The following KIF23 variants were observed in gnomAD, a reference collection of about 807,000 sequenced individuals.
The protein encoded by KIF23 is kinesin-like protein KIF23.
A neutral mutation model predicts 137.5 loss-of-function variants in KIF23; 30 were observed. That is an observed-to-expected ratio of 0.22 (90% CI 0.16 to 0.30). The LOEUF is 0.30. KIF23 is among the 10% of genes least tolerant of loss of function. KIF23 has a pLI of 1.00. For missense variants in KIF23, 920 were observed against 1,194.3 expected (o/e 0.77, Z 3.38); for synonymous variants, 367 against 391.1 (o/e 0.94, Z 0.73).
chr15:69,416,949 C>CTAAATAAATAAATAAA (rs60029908), intron 2 of KIF23, among the ~76,000 whole-genome samples: 34 of 150,240 alleles, frequency 2.3e-4, no homozygotes, highest in African/African-American at 5.2e-4. Context: ...AACTCTGTCT[C>CTAAATAAATAAATAAA]TAAATAAATA....
chr15:69,439,777 A>T (rs943645309), intron 16 of KIF23, 127 bp from the exon 17 acceptor site: 11 of 587,908 alleles, frequency 1.9e-5, no homozygotes, highest in Admixed American at 1.2e-4. Context: ...TGTTAGAGAA[A>T]AAAGTGCTTT....
In KIF23 at chr15:69,440,698, A is replaced by C. The variant is rs1376983922; in HGVS notation, c.2110-70A>C. 3 of 1,334,096 alleles carry C rather than the reference A, an allele frequency of 2.2e-6. No homozygotes were observed. The African/African-American group carries it at 4.4e-5, about 20-fold the overall frequency. 82.6% of individuals were successfully genotyped at this position (1,334,096 alleles called of 1,614,324 possible). The stretch of plus-strand genomic sequence containing the variant: ...TGTTAAGTCTTCATGTGCTAACATT[A>C]TAGAAAAGTAATGAATTGTTTCTCT... On this transcript the variant is annotated intron_variant, in intron 18 of 23. Transcript: ENST00000679126.
In KIF23 at chr15:69,448,088, T is replaced by C; in HGVS notation, c.*281T>C. 4.0e-6 allele frequency: 1 copy of C among 251,858 alleles called. No individual in the cohort carries two copies. The highest frequency in any genetic ancestry group is 7.5e-6 in the Non-Finnish European group (1 of 133,168). The allele number at this position is 251,858 out of a possible 1,614,324, so 15.6% of individuals were successfully genotyped here. A position where few individuals can be genotyped will look rare whatever the true frequency, so the allele number is the denominator to read the frequency against. On this transcript the variant is annotated 3_prime_UTR_variant, in exon 24 of 24. Transcript: ENST00000679126. ...CACTGTATGAATTTTTTATAATGTT[T>C]TTTTAAAATATATTTCATGTATACT...
chr15:69,438,426 GA>G (rs1447906253), intron 16 of KIF23, 21 bp downstream of exon 16: 1 of 1,589,890 alleles, frequency 6.3e-7, no homozygotes, highest in Non-Finnish European at 8.5e-7. Flanking sequence ...ACATTATTAT[GA>G]TAGATGTATG....
At chr15:69,423,842 T>G (rs1366833733) in intron 7 of KIF23, among the ~76,000 whole-genome samples, 2 of 152,244 alleles carry the variant, frequency 1.3e-5, no homozygotes, top group Non-Finnish European at 1.5e-5. Context: ...CTAGATTTCC[T>G]TGGGTCTTGC....
At chr15:69,414,536 G>GGGGGCAGGCGTCTCCACTC (rs2056838108) in intron 1 of KIF23, 60 bp downstream of exon 1, 2 of 1,469,808 alleles carry the variant, frequency 1.4e-6, no homozygotes, top group Admixed American at 4.8e-5. Flanking sequence ...CCTCGGGGCT[G>GGGGGCAGGCGTCTCCACTC]GGGGCAGGCG....
chr15:69,436,789 C>A, intron 15 of KIF23, 67 bp downstream of exon 15: 3 of 1,080,758 alleles, frequency 2.8e-6, no homozygotes, highest in South Asian at 2.2e-5. Flanking sequence ...TAGTTTCACT[C>A]TGTACCCCAG....
intron 3 of KIF23, among the ~76,000 whole-genome samples, chr15:69,420,811 A>C (rs746812397): frequency 1.3e-5 from 2 of 151,760 alleles, no homozygotes; most frequent in Non-Finnish European, 2.9e-5. Context: ...AAAATTTTTT[A>C]TTAGATGAGC....
In KIF23 at chr15:69,436,116, C is replaced by T. The variant is rs764762582; in HGVS notation, c.1315-22C>T. The stretch of plus-strand genomic sequence containing the variant: ...TTGGATATCCTTATTTTTTTTTAAA[C>T]TCCATTTGTTTTGTGTTTTAGCAAG... On this transcript the variant is annotated intron_variant, in intron 13 of 23. Coordinates refer to ENST00000679126, the MANE Select transcript of KIF23 (RefSeq NM_001367805.3). 6.3e-6 allele frequency: 10 copies of T among 1,590,350 alleles called. No homozygotes were observed. In the African/African-American group the frequency reaches 9.6e-5, roughly 15 times the overall value.
chr15:69,421,244 C>T (rs1057219634), intron 3 of KIF23, among the ~76,000 whole-genome samples: 2 of 151,934 alleles, frequency 1.3e-5, no homozygotes, highest in Non-Finnish European at 2.9e-5. Context: ...AAAAATTAGC[C>T]AGGTGTGGTG....
At chr15:69,446,425 C>G (rs2057741741) in intron 22 of KIF23, 61 bp downstream of exon 22, 11 of 1,311,152 alleles carry the variant, frequency 8.4e-6, no homozygotes, top group Non-Finnish European at 1.2e-5. Flanking sequence ...GTTTTAAACC[C>G]CACAGCTCTA....
intron 11 of KIF23, among the ~76,000 whole-genome samples, chr15:69,432,373 A>G (rs1272601369): frequency 6.6e-6 from 1 of 152,198 alleles, no homozygotes. Flanking sequence ...TGACTACAGC[A>G]TATGAGAATG....
In KIF23 at chr15:69,422,145, T is replaced by G; in HGVS notation, c.453+17T>G. 6.2e-7 allele frequency: 1 copy of G among 1,612,582 alleles called. No individual in the cohort carries two copies. The highest frequency in any genetic ancestry group is 8.5e-7 in the Non-Finnish European group (1 of 1,179,126). On this transcript the variant is annotated intron_variant, in intron 5 of 23. Transcript: ENST00000679126. The stretch of plus-strand genomic sequence containing the variant: ...AAACGATATGTAAGTATGATTCTTT[T>G]GTGTTGTGACTATCTTACTGGACTA...
intron 19 of KIF23, among the ~76,000 whole-genome samples, chr15:69,443,220 G>C (rs1191958819): frequency 6.6e-6 from 1 of 150,748 alleles, no homozygotes; most frequent in Non-Finnish European, 1.5e-5. Flanking sequence ...AAATGATTCA[G>C]TTCCTCAGAT....
chr15:69,435,984 G>A (rs1322629941), intron 13 of KIF23, among the ~76,000 whole-genome samples, 154 bp from the exon 14 acceptor site: 4 of 152,124 alleles, frequency 2.6e-5, no homozygotes, highest in Admixed American at 6.5e-5. Context: ...CTGGGAGGTC[G>A]AAGCTGCAGT....
At position 69,429,326 on chromosome 15, in the gene KIF23, A is replaced by T. The variant is rs543222418; in HGVS notation, c.1114+113A>T. ...TTGTTTTTTAATTTTTATTTTATTG[A>T]GACGGTCTTACTCTGTTACCCAGGA... is the stretch of plus-strand genomic sequence containing the variant. On this transcript the variant is annotated intron_variant, in intron 11 of 23. Transcript: ENST00000679126. 47 of 720,790 alleles carry T rather than the reference A, an allele frequency of 6.5e-5. No homozygotes were observed. In the African/African-American group the frequency reaches 8.2e-4, roughly 13 times the overall value. The allele number at this position is 720,790 out of a possible 1,614,324, so 44.6% of individuals were successfully genotyped here.
chr15:69,422,476 C>CACACCACGTTTTTT, intron 6 of KIF23, 41 bp downstream of exon 6: 1 of 1,143,948 alleles, frequency 8.7e-7, no homozygotes, highest in Non-Finnish European at 1.3e-6. Context: ...CCTAGGGGCA[C>CACACCACGTTTTTT]AGGATTCTTT....
At chr15:69,416,603 C>T (rs1326622526) in intron 2 of KIF23, among the ~76,000 whole-genome samples, 2 of 152,150 alleles carry the variant, frequency 1.3e-5, no homozygotes, top group African/African-American at 2.4e-5. Context: ...TTAAGGGAAC[C>T]GGGTGCTTTG....
rs1444719754 is a variant in KIF23, at chr15:69,421,671, T to C, written c.235T>C (p.Phe79Leu). The part of the protein sequence containing the change: ...KETQYSFKQV[F>L]GTHTTQKELF... ...GACTCAGTATTCATTTAAACAAGTA[T>C]TTGGCACTCACACCACCCAGAAGGA... is the stretch of plus-strand genomic sequence containing the variant. The change falls in exon 4 of 24, where the codon TTT becomes CTT. Residue 79 changes from phenylalanine (F) to leucine (L), a missense_variant. By Grantham distance (22) the Phe-to-Leu change is conservative (BLOSUM62 0). Around this residue, in one of 4 missense-constraint regions of KIF23, gnomAD observed 124 missense variants for 122.0 expected, o/e 1.02. Transcript: ENST00000679126. 1.9e-6 allele frequency: 3 copies of C among 1,613,244 alleles called. No individual in the cohort carries two copies. The South Asian group carries it at 3.3e-5, about 18-fold the overall frequency.
Sources: gnomAD v4.1 joint callset for allele counts (sites outside exome capture counted in the v4.1 genomes callset) on GRCh38, gnomAD v4.1.1 for gene constraint, gnomAD v4.1.1 regional missense constraint, MANE v1.5 for transcripts, NCBI Gene and HGNC (gene_info 2026-07-23, HGNC 2026-07-21) for gene names.